LRMDA: variants seen among roughly 807,000 people sequenced by gnomAD.
LRMDA encodes leucine-rich melanocyte differentiation-associated protein.
In LRMDA, 18 loss-of-function variants were observed where a neutral mutation model predicts 29.8. That is an observed-to-expected ratio of 0.60 (90% confidence interval 0.42 to 0.90). The LOEUF (loss-of-function observed/expected upper bound fraction) is 0.90, where lower values mean the gene tolerates loss of function less well. Ranked by LOEUF, LRMDA falls within the 40% of genes least tolerant of loss-of-function variation. LRMDA has a pLI of 0.00. For missense variants in LRMDA, 273 were observed against 273.9 expected, an observed-to-expected ratio of 1.00 and a Z score of 0.02; for synonymous variants, 125 against 109.4, an observed-to-expected ratio of 1.14 and a Z score of -0.89.
At chr10:76,346,368 A>G (rs1262503561) in intron 6 of LRMDA, 1 of 152,182 alleles carries the variant, frequency 6.6e-6, no homozygotes, top group Non-Finnish European at 1.5e-5. Context: ...GACTTTGCAA[A>G]TTTGTTTCCC....
chr10:75,568,072 T>C (rs999559020), intron 2 of LRMDA, among the ~76,000 whole-genome samples: 1 of 152,138 alleles, frequency 6.6e-6, no homozygotes, highest in Non-Finnish European at 1.5e-5. Flanking sequence ...AGTAGACAAA[T>C]TGTAGTCTTT....
At chr10:76,531,255 G>A (rs551703589) in intron 6 of LRMDA, among the ~76,000 whole-genome samples, 229 of 152,262 alleles carry the variant, frequency 1.5e-3, no homozygotes, top group Non-Finnish European at 2.6e-3. Context: ...GTAATGGATC[G>A]TTAGGATCAT....
intron 5 of LRMDA, among the ~76,000 whole-genome samples, chr10:76,264,500 G>A (rs1368864593): frequency 6.9e-6 from 1 of 145,948 alleles, no homozygotes; most frequent in African/African-American, 2.5e-5. Context: ...TTTGCAAGTG[G>A]CATGGTCATT....
At position 75,867,293 on chromosome 10, in the gene LRMDA, G is replaced by C. The variant is rs190315418; in HGVS notation, c.132-168715G>C. 9.6e-3 allele frequency among the ~76,000 whole-genome samples: 1,459 copies of C among 152,224 alleles called. 10 individuals carry two copies. Among genetic ancestry groups the C allele is most frequent in the Non-Finnish European group, 0.013 (894 of 68,010 alleles). On this transcript the variant is annotated intron_variant, in intron 2 of 6. Coordinates refer to ENST00000611255, the MANE Select transcript of LRMDA (RefSeq NM_001305581.2). ...TTCTCCTGCCTCAGCCTCCTGAGTA[G>C]CTGGGATTACAGGCACCCGCCACCA...
chr10:75,731,885 C>T (rs945193521), intron 2 of LRMDA, among the ~76,000 whole-genome samples: 2 of 152,074 alleles, frequency 1.3e-5, no homozygotes, highest in Non-Finnish European at 2.9e-5. Context: ...TTCATAATGA[C>T]ATTGAAAAAA....
At chr10:76,355,186 A>T (rs55923744) in intron 6 of LRMDA, among the ~76,000 whole-genome samples, 1 of 152,038 alleles carries the variant, frequency 6.6e-6, no homozygotes, top group Admixed American at 6.6e-5. Flanking sequence ...CACATTTTAC[A>T]TGGCAAGATA....
At chr10:76,362,693 C>G (rs559359790) in intron 6 of LRMDA, among the ~76,000 whole-genome samples, 82 of 152,272 alleles carry the variant, frequency 5.4e-4, no homozygotes, top group Non-Finnish European at 1.0e-3. Flanking sequence ...AACCCTTACC[C>G]TCCTTCCACC....
chr10:76,272,382 C>T (rs1214053944), intron 5 of LRMDA, among the ~76,000 whole-genome samples: 1 of 152,138 alleles, frequency 6.6e-6, no homozygotes, highest in Non-Finnish European at 1.5e-5. Context: ...TTCTACAGCT[C>T]TTCAATAGAA....
intron 3 of LRMDA, among the ~76,000 whole-genome samples, chr10:76,041,501 T>C (rs1035632466): frequency 5.3e-5 from 8 of 152,210 alleles, no homozygotes; most frequent in Admixed American, 4.6e-4. Flanking sequence ...TTATGCTGTA[T>C]ATTTAGTATT....
intron 2 of LRMDA, among the ~76,000 whole-genome samples, chr10:76,016,918 G>T (rs545129500): frequency 6.6e-6 from 1 of 152,324 alleles, no homozygotes; most frequent in East Asian, 1.9e-4. Context: ...GCCTGGATGA[G>T]AACCTTGGCA....
chr10:75,616,968 A>G (rs186930414), intron 2 of LRMDA, among the ~76,000 whole-genome samples: 1 of 152,218 alleles, frequency 6.6e-6, no homozygotes, highest in Non-Finnish European at 1.5e-5. Context: ...GTAGACTATC[A>G]TAAAGACAAA....
At chr10:75,618,576 G>A (rs1454581745) in intron 2 of LRMDA, among the ~76,000 whole-genome samples, 1 of 148,492 alleles carries the variant, frequency 6.7e-6, no homozygotes, top group Non-Finnish European at 1.5e-5. Context: ...ACTCCCCTGT[G>A]TAGTCACATC....
intron 5 of LRMDA, among the ~76,000 whole-genome samples, chr10:76,264,448 A>C (rs1041660760): frequency 1.1e-4 from 12 of 107,086 alleles, no homozygotes; most frequent in African/African-American, 3.2e-4. Context: ...AAAAAAAAAA[A>C]AAAAAAAAAC....
intron 2 of LRMDA, among the ~76,000 whole-genome samples, chr10:75,606,250 C>A (rs149357625): frequency 2.0e-4 from 30 of 152,274 alleles, no homozygotes; most frequent in African/African-American, 6.5e-4. Context: ...TTAACATGTG[C>A]TCTTGCATGG....
chr10:75,643,440 T>A (rs1170556428), intron 2 of LRMDA, among the ~76,000 whole-genome samples: 3 of 152,226 alleles, frequency 2.0e-5, no homozygotes, highest in Non-Finnish European at 4.4e-5. Flanking sequence ...AGATGGAAGC[T>A]ACATCCCTTT....
chr10:75,690,770 C>G (rs1253507865), intron 2 of LRMDA, among the ~76,000 whole-genome samples: 1 of 151,548 alleles, frequency 6.6e-6, no homozygotes, highest in Non-Finnish European at 1.5e-5. Flanking sequence ...CCAGCCTGGT[C>G]TTGCATTATA....
intron 5 of LRMDA, among the ~76,000 whole-genome samples, chr10:76,100,016 G>T (rs535303420): frequency 6.6e-6 from 1 of 152,290 alleles, no homozygotes; most frequent in African/African-American, 2.4e-5. Flanking sequence ...TAGTGAGAGA[G>T]GAGTGATGAA....
chr10:75,477,173 T>G (rs1320491247), intron 2 of LRMDA, among the ~76,000 whole-genome samples: 1 of 151,908 alleles, frequency 6.6e-6, no homozygotes, highest in Non-Finnish European at 1.5e-5. Context: ...AGAGATGGGG[T>G]CTTGCTATGT....
intron 2 of LRMDA, among the ~76,000 whole-genome samples, chr10:75,736,314 A>G (rs977268118): frequency 4.6e-5 from 7 of 152,236 alleles, no homozygotes; most frequent in African/African-American, 4.8e-5. Flanking sequence ...GAAATTGCAG[A>G]TAATTTTCAG....
Sources: allele counts gnomAD v4.1 joint callset (sites outside exome capture counted in the v4.1 genomes callset), GRCh38; gene constraint gnomAD v4.1.1; transcripts MANE v1.5; gene names NCBI Gene and HGNC (gene_info 2026-07-23, HGNC 2026-07-21).